The following CFAP77 variants were observed in gnomAD, a reference collection of about 807,000 sequenced individuals.
CFAP77 encodes cilia- and flagella-associated protein 77.
A neutral mutation model predicts 31.1 loss-of-function variants in CFAP77; 25 were observed. The ratio of observed to expected loss-of-function variants is 0.80; its 90% CI spans 0.59 to 1.12. CFAP77 has a LOEUF of 1.12. CFAP77 is among the 50% of genes most tolerant of loss of function. The probability of loss-of-function intolerance (pLI) is 0.00; values close to 1 mark genes in which losing one functional copy is unlikely to be tolerated. For missense variants in CFAP77, 377 were observed against 397.3 expected (o/e 0.95, Z 0.44); for synonymous variants, 151 against 159.9 (o/e 0.94, Z 0.42).
At position 132,429,572 on chromosome 9, in the gene CFAP77, C is replaced by T. The variant is rs543165856; in HGVS notation, c.195+19106C>T. 3.7e-4 allele frequency among the ~76,000 whole-genome samples: 55 copies of T among 147,472 alleles called. 1 individual carries two copies. In the South Asian group the frequency reaches 6.7e-3, roughly 18 times the overall value. Reference sequence around the variant, plus strand: ...AAAAAAAAAAAAAAAAGGCCGGGCCCAGTGGCTCATGCCTGTAATCCCAGC... The same window carrying T: ...AAAAAAAAAAAAAAAAGGCCGGGCCTAGTGGCTCATGCCTGTAATCCCAGC... On this transcript the variant is annotated intron_variant, in intron 1 of 5. Coordinates refer to ENST00000393216, the MANE Select transcript of CFAP77 (RefSeq NM_001282957.2).
intron 3 of CFAP77, among the ~76,000 whole-genome samples, chr9:132,515,161 A>G (rs1338696084): frequency 1.3e-5 from 2 of 152,214 alleles, no homozygotes; most frequent in African/African-American, 4.8e-5. Flanking sequence ...CCCCAGGCCC[A>G]GAAAGCCAGA....
chr9:132,549,841 A>AAAAC (rs3028240), intron 5 of CFAP77, among the ~76,000 whole-genome samples: 106,806 of 150,874 alleles, frequency 0.71, 38,389 homozygotes, highest in East Asian at 0.93. Flanking sequence ...TCTGTCTGAA[A>AAAAC]AAACAAACAA....
chr9:132,511,914 T>C lies in CFAP77; in HGVS notation c.524+12314T>C, dbSNP rs1452821638. ...ACCAAAGATACAAAAATTAGCTGGG[T>C]GTGGTGGCACACACCTGTCATCTCA... On this transcript the variant is annotated intron_variant, in intron 3 of 5. Transcript: ENST00000393216. This position sits in a 1 kb window ranked among gnomAD's most constrained non-coding sequence, Gnocchi z 5.8. Among the ~76,000 whole-genome samples the C allele has an allele frequency of 6.6e-6, 1 of 151,966 alleles. No homozygotes were observed.
chr9:132,410,296 C>G lies in CFAP77; in HGVS notation c.25C>G (p.Pro9Ala). 1 of 1,589,000 alleles carries G rather than the reference C, an allele frequency of 6.3e-7. No homozygotes were observed. Among genetic ancestry groups the G allele is most frequent in the Non-Finnish European group, 8.6e-7 (1 of 1,169,428 alleles). The change falls in exon 1 of 6, where the codon CCG (proline) becomes GCG (alanine). Residue 9 changes from proline (P) to alanine (A), a missense_variant. Pro to Ala is a conservative substitution (Grantham distance 27, BLOSUM62 -1). Coordinates refer to ENST00000393216, the MANE Select transcript of CFAP77 (RefSeq NM_001282957.2). The stretch of plus-strand genomic sequence containing the variant: ...GATGCCAGAGGCCAGGAGCTCCGGC[C>G]CGGACCTCACGCGATGGAGGAAGCA... Reference protein sequence around the residue: MPEARSSGPDLTRWRKQQQ... With the variant: MPEARSSGADLTRWRKQQQ...
At position 132,511,064 on chromosome 9, in the gene CFAP77, T is replaced by C. The variant is rs2118993590; in HGVS notation, c.524+11464T>C. Among the ~76,000 whole-genome samples the C allele has an allele frequency of 1.3e-5, 2 of 152,286 alleles. No homozygotes were observed. The highest frequency in any genetic ancestry group is 3.9e-4 in the East Asian group (2 of 5,182). On this transcript the variant is annotated intron_variant, in intron 3 of 5. Coordinates refer to ENST00000393216, the MANE Select transcript of CFAP77 (RefSeq NM_001282957.2). This position sits in a 1 kb window ranked among gnomAD's most constrained non-coding sequence, Gnocchi z 5.8. ...GAGTTCATTTAGTGCCCACCTGTGC[T>C]GGGCATTGTGGTGCTGGGTGTTTGG... is the stretch of plus-strand genomic sequence containing the variant.
chr9:132,536,958 G>C (rs921097444), intron 3 of CFAP77, among the ~76,000 whole-genome samples: 7 of 152,140 alleles, frequency 4.6e-5, no homozygotes, highest in African/African-American at 1.7e-4. Context: ...GTGCTCCTTG[G>C]CTGGAAATCG....
chr9:132,544,365 A>C (rs1270281627), intron 5 of CFAP77, among the ~76,000 whole-genome samples: 1 of 152,014 alleles, frequency 6.6e-6, no homozygotes, highest in Non-Finnish European at 1.5e-5. Context: ...AGCACGGCTC[A>C]TCTCTAGCTT....
chr9:132,510,356 G>A (rs553172357), intron 3 of CFAP77, among the ~76,000 whole-genome samples: 5 of 152,360 alleles, frequency 3.3e-5, no homozygotes, highest in Non-Finnish European at 7.4e-5. Context: ...TCGGGAGTCC[G>A]GCTTGGTGCC....
intron 1 of CFAP77, among the ~76,000 whole-genome samples, chr9:132,438,519 GTATATATATA>G (rs34631762): frequency 9.4e-5 from 11 of 116,678 alleles, no homozygotes; most frequent in African/African-American, 3.4e-4. Flanking sequence ...AACAGATATG[GTATATATATA>G]TATATATATA....
intron 1 of CFAP77, among the ~76,000 whole-genome samples, chr9:132,417,191 T>C (rs1850119876): frequency 6.6e-6 from 1 of 151,382 alleles, no homozygotes; most frequent in Non-Finnish European, 1.5e-5. Context: ...CTTGGCTCAC[T>C]GCAACGTCTG....
At chr9:132,556,892 C>G (rs376214405) in intron 5 of CFAP77, among the ~76,000 whole-genome samples, 1 of 152,128 alleles carries the variant, frequency 6.6e-6, no homozygotes. Context: ...CCTCCTCCAC[C>G]GCAAATTACT....
chr9:132,519,508 G>A (rs62649743), intron 3 of CFAP77, among the ~76,000 whole-genome samples: 1,262 of 8,814 alleles, frequency 0.14, 72 homozygotes, highest in Non-Finnish European at 0.17. Flanking sequence ...GCATGGATGG[G>A]TGGGTGGGTG....
chr9:132,489,986 G>A (rs914925976), intron 1 of CFAP77, among the ~76,000 whole-genome samples: 2 of 152,166 alleles, frequency 1.3e-5, no homozygotes, highest in African/African-American at 4.8e-5. Flanking sequence ...GTTTCTCAGC[G>A]TTCTAGGGGC....
intron 1 of CFAP77, among the ~76,000 whole-genome samples, chr9:132,416,329 ATTTTTTTTTTTTT>A (rs71503303): frequency 3.6e-4 from 22 of 60,276 alleles, no homozygotes; most frequent in African/African-American, 9.8e-4. Flanking sequence ...TTCTTATCTG[ATTTTTTTTTTTTT>A]TTTTTTTTTT....
chr9:132,518,066 T>G (rs1480099810), intron 3 of CFAP77, among the ~76,000 whole-genome samples: 3 of 152,138 alleles, frequency 2.0e-5, no homozygotes, highest in Admixed American at 2.0e-4. Flanking sequence ...GCAAATAATT[T>G]GTCGAAGCTC....
intron 1 of CFAP77, among the ~76,000 whole-genome samples, chr9:132,458,351 G>GT (rs1850963405): frequency 5.0e-5 from 6 of 120,552 alleles, no homozygotes; most frequent in East Asian, 2.9e-4. Flanking sequence ...GCGGGGGAGG[G>GT]GGGGGGGTGT....
chr9:132,457,089 G>A (rs1280272791), intron 1 of CFAP77, among the ~76,000 whole-genome samples: 1 of 152,160 alleles, frequency 6.6e-6, no homozygotes, highest in Non-Finnish European at 1.5e-5. Flanking sequence ...GCAACTCAGG[G>A]CAATCCTTCT....
At chr9:132,464,573 CAA>C (rs1324881122) in intron 1 of CFAP77, among the ~76,000 whole-genome samples, 1 of 152,090 alleles carries the variant, frequency 6.6e-6, no homozygotes, top group Non-Finnish European at 1.5e-5. Flanking sequence ...CCACTATGTC[CAA>C]AATACTATCA....
Position 132,499,661 on chromosome 9 carries a change from G to A in CFAP77, c.524+61G>A, listed in dbSNP as rs559106141. 2.7e-6 allele frequency: 4 copies of A among 1,494,274 alleles called. No homozygotes were observed. Among genetic ancestry groups the A allele is most frequent in the East Asian group, 2.3e-5 (1 of 44,178 alleles). 92.6% of individuals were successfully genotyped at this position (1,494,274 alleles called of 1,614,324 possible). ...GGGGGTGGAGGTACCAGCTCAATCA[G>A]GGACAAGGTCGGAGGGTGACAGGGA... is the stretch of plus-strand genomic sequence containing the variant. On this transcript the variant is annotated intron_variant, in intron 3 of 5. Transcript: ENST00000393216. The surrounding 1 kb of genome is among the most constrained non-coding windows in gnomAD (Gnocchi z 5.4).
Sources: gnomAD v4.1 joint callset for allele counts (sites outside exome capture counted in the v4.1 genomes callset) on GRCh38, gnomAD v4.1.1 for gene constraint, Gnocchi (gnomAD v3.1) non-coding constraint, MANE v1.5 for transcripts, NCBI Gene and HGNC (gene_info 2026-07-23, HGNC 2026-07-21) for gene names.